TMEM127: variants seen among roughly 807,000 people sequenced by gnomAD.
The protein encoded by TMEM127 is transmembrane protein 127.
In TMEM127, 21 loss-of-function variants were observed where a neutral mutation model predicts 20.1. The observed-to-expected ratio is 1.04, with a 90% CI of 0.74 to 1.50. The LOEUF (loss-of-function observed/expected upper bound fraction) is 1.50, where lower values mean the gene tolerates loss of function less well. TMEM127 is among the 40% of genes most tolerant of loss of function. The pLI is 0.00. For missense variants in TMEM127, 303 were observed against 317.4 expected (o/e 0.95, Z 0.34); for synonymous variants, 150 against 144.7 (o/e 1.04, Z -0.26).
rs747965085 is a variant in TMEM127 at position 96,254,811 on chromosome 2, T to C, written c.409+22A>G. On this transcript the variant is annotated intron_variant, in intron 3 of 3. Transcript: ENST00000258439. ...CACCCTGTAGCAGTTCCTCTCCCAC[T>C]GTGAGCAGGCTCACGGCTTACCCGT... 6.8e-5 allele frequency: 109 copies of C among 1,613,586 alleles called. No homozygotes were observed. In the Middle Eastern group the frequency reaches 1.2e-3, roughly 17 times the overall value.
At chr2:96,264,590 C>T (rs978677478) in intron 2 of TMEM127, among the ~76,000 whole-genome samples, 1 of 152,196 alleles carries the variant, frequency 6.6e-6, no homozygotes, top group Non-Finnish European at 1.5e-5. Context: ...GCAACCTTGC[C>T]TCTGTCAGGC....
At chr2:96,262,603 T>G (rs1206498846) in intron 2 of TMEM127, among the ~76,000 whole-genome samples, 2 of 152,224 alleles carry the variant, frequency 1.3e-5, no homozygotes, top group Non-Finnish European at 2.9e-5. Flanking sequence ...ATACACAGGT[T>G]AAGGTCTCTA....
rs957096832 is a variant in TMEM127 at position 96,249,461 on chromosome 2, CA to C, written c.*4346del. ...CGTCTTCGTTTCAGGTGGGCTCATT[CA>C]AAACGACATTTTCAGGCTTGGTGCA... On this transcript the variant is annotated 3_prime_UTR_variant, in exon 4 of 4. Coordinates refer to ENST00000258439, the MANE Select transcript of TMEM127 (RefSeq NM_017849.4). The C allele has an allele frequency of 4.5e-6, 1 of 224,380 alleles. No homozygotes were observed. Among genetic ancestry groups the C allele is most frequent in the Admixed American group, 5.7e-5 (1 of 17,464 alleles). 13.9% of individuals were successfully genotyped at this position (224,380 alleles called of 1,614,324 possible). A position where few individuals can be genotyped will look rare whatever the true frequency, so the allele number is the denominator to read the frequency against.
Position 96,253,572 on chromosome 2 carries a change from A to AG in TMEM127, c.*235dup. On this transcript the variant is annotated 3_prime_UTR_variant, in exon 4 of 4. Coordinates refer to ENST00000258439, the MANE Select transcript of TMEM127 (RefSeq NM_017849.4). This position sits in a 1 kb window ranked among gnomAD's most constrained non-coding sequence, Gnocchi z 4.3. ...GGCTGGTAATGACTCGTGAATGTGA[A>AG]GGGGGCAGGATGTGGCAGGAGGGAA... 1.9e-6 allele frequency: 1 copy of AG among 539,844 alleles called. No homozygotes were observed. Among genetic ancestry groups the AG allele is most frequent in the Non-Finnish European group, 3.3e-6 (1 of 305,686 alleles). The allele number at this position is 539,844 out of a possible 1,614,324, so 33.4% of individuals were successfully genotyped here. A position where few individuals can be genotyped will look rare whatever the true frequency, so the allele number is the denominator to read the frequency against.
chr2:96,254,077 C>G lies in TMEM127; in HGVS notation c.448G>C (p.Ala150Pro), dbSNP rs1394209177. Reference sequence around the variant, plus strand: ...TGCTGGGCCAAGATGAGTTCAGAAGCCCAATAAGAAAAGCCAATGACGGTG... The same window carrying G: ...TGCTGGGCCAAGATGAGTTCAGAAGGCCAATAAGAAAAGCCAATGACGGTG... ...CATVIGFSYW[A>P]SELILAQQQQ... Residue 150 changes from alanine to proline, a missense_variant, in exon 4 of 4, where the codon GCT (alanine) becomes CCT (proline). Coordinates refer to ENST00000258439, the MANE Select transcript of TMEM127 (RefSeq NM_017849.4). 1 of 1,614,088 alleles carries G rather than the reference C, an allele frequency of 6.2e-7. No homozygotes were observed. Among genetic ancestry groups the G allele is most frequent in the Non-Finnish European group, 8.5e-7 (1 of 1,180,032 alleles).
At position 96,248,553 on chromosome 2, in the gene TMEM127, CA is replaced by C. The variant is rs1343759310; in HGVS notation, c.*5254del. The C allele has an allele frequency of 4.8e-6, 1 of 208,802 alleles. No homozygotes were observed. Among genetic ancestry groups the C allele is most frequent in the Non-Finnish European group, 9.7e-6 (1 of 102,712 alleles). The allele number at this position is 208,802 out of a possible 1,614,324, so 12.9% of individuals were successfully genotyped here. On this transcript the variant is annotated 3_prime_UTR_variant, in exon 4 of 4. Coordinates refer to ENST00000258439, the MANE Select transcript of TMEM127 (RefSeq NM_017849.4). ...TTCTTTTATTAAAATAAAACCCATC[CA>C]CCACCCCAAGGTTATTCCAGAAGGA...
intron 2 of TMEM127, chr2:96,260,637 G>A (rs1684295751): frequency 6.6e-6 from 1 of 152,274 alleles, no homozygotes; most frequent in Non-Finnish European, 1.5e-5. Flanking sequence ...GGCTAGATTT[G>A]TTTTGAAGGT....
rs886056429 is a variant in TMEM127, at chr2:96,250,460, C to G, written c.*3348G>C. ...TGCCTTTCTGTGGACAAGTCCATCT[C>G]CTGAACTAAGGACATAAAATCCTTG... On this transcript the variant is annotated 3_prime_UTR_variant, in exon 4 of 4. Coordinates refer to ENST00000258439, the MANE Select transcript of TMEM127 (RefSeq NM_017849.4). The G allele has an allele frequency of 6.0e-5, 14 of 232,852 alleles. No individual in the cohort carries two copies. Among genetic ancestry groups the G allele is most frequent in the Non-Finnish European group, 8.5e-6 (1 of 117,860 alleles). The allele number at this position is 232,852 out of a possible 1,614,324, so 14.4% of individuals were successfully genotyped here. A position where few individuals can be genotyped will look rare whatever the true frequency, so the allele number is the denominator to read the frequency against.
chr2:96,264,062 A>G (rs1270038611), intron 2 of TMEM127, among the ~76,000 whole-genome samples: 1 of 152,210 alleles, frequency 6.6e-6, no homozygotes, highest in African/African-American at 2.4e-5. Context: ...ATCACCCTAC[A>G]GCTTCTAAAA....
rs1409171619 is a variant in TMEM127 at position 96,248,842 on chromosome 2, G to A, written c.*4966C>T. The stretch of plus-strand genomic sequence containing the variant: ...ACGGACTCACAGCTGTCTCTGGAAA[G>A]TTCTTCGTTACCTGACTCTTTAGAC... On this transcript the variant is annotated 3_prime_UTR_variant, in exon 4 of 4. Coordinates refer to ENST00000258439, the MANE Select transcript of TMEM127 (RefSeq NM_017849.4). 3 of 232,306 alleles carry A rather than the reference G, an allele frequency of 1.3e-5. No homozygotes were observed. Among genetic ancestry groups the A allele is most frequent in the Non-Finnish European group, 2.6e-5 (3 of 117,546 alleles). 14.4% of individuals were successfully genotyped at this position (232,306 alleles called of 1,614,324 possible). A position where few individuals can be genotyped will look rare whatever the true frequency, so the allele number is the denominator to read the frequency against.
chr2:96,262,628 T>C (rs1684332949), intron 2 of TMEM127, among the ~76,000 whole-genome samples: 1 of 152,226 alleles, frequency 6.6e-6, no homozygotes, highest in Admixed American at 6.5e-5. Flanking sequence ...TGTGAGCAAA[T>C]GTAATGTAAA....
intron 2 of TMEM127, among the ~76,000 whole-genome samples, chr2:96,260,917 C>T (rs868359011): frequency 3.9e-5 from 6 of 152,220 alleles, no homozygotes; most frequent in Non-Finnish European, 8.8e-5. Flanking sequence ...GCCAGGTTAT[C>T]CCACAGACAC....
intron 2 of TMEM127, among the ~76,000 whole-genome samples, chr2:96,261,335 G>A (rs1286422465): frequency 6.6e-6 from 1 of 151,820 alleles, no homozygotes; most frequent in Admixed American, 6.6e-5. Context: ...GAGTGCAGAG[G>A]CACGACGATA....
intron 2 of TMEM127, among the ~76,000 whole-genome samples, chr2:96,257,912 C>CAA (rs11421832): frequency 1.2e-4 from 18 of 149,076 alleles, no homozygotes; most frequent in Admixed American, 8.0e-4. Flanking sequence ...GACTCCGCCT[C>CAA]AAAAAAAAAA....
Position 96,248,580 on chromosome 2 carries a change from A to C in TMEM127, c.*5228T>G, listed in dbSNP as rs1169859804. 1 of 215,866 alleles carries C rather than the reference A, an allele frequency of 4.6e-6. No homozygotes were observed. The highest frequency in any genetic ancestry group is 9.3e-6 in the Non-Finnish European group (1 of 107,164). The allele number at this position is 215,866 out of a possible 1,614,324, so 13.4% of individuals were successfully genotyped here. On this transcript the variant is annotated 3_prime_UTR_variant, in exon 4 of 4. Transcript: ENST00000258439. The stretch of plus-strand genomic sequence containing the variant: ...CCACCCCAAGGTTATTCCAGAAGGA[A>C]ACTCTCCACCAATAGTGGTGGCACT...
intron 2 of TMEM127, among the ~76,000 whole-genome samples, chr2:96,263,362 T>C (rs1418568182): frequency 2.1e-5 from 3 of 142,548 alleles, no homozygotes; most frequent in Admixed American, 1.4e-4. Context: ...TGGCCTTTCT[T>C]TTTTTTTTTT....
intron 2 of TMEM127, 31 bp downstream of exon 2, chr2:96,265,107 G>T: frequency 6.2e-7 from 1 of 1,611,230 alleles, no homozygotes; most frequent in South Asian, 1.1e-5. Flanking sequence ...CCCCCACCGA[G>T]GCTTTAAGGG....
At position 96,265,405 on chromosome 2, in the gene TMEM127, C is replaced by G. The variant is rs1242832889; in HGVS notation, c.-24G>C. ...ATGCCCGGGGCCGCCCGCCGTCGCT[C>G]CGCAGTCGCTGCTGGTCGCCGCCGA... On this transcript the variant is annotated 5_prime_UTR_variant, in exon 2 of 4. Coordinates refer to ENST00000258439, the MANE Select transcript of TMEM127 (RefSeq NM_017849.4). 1.8e-5 allele frequency: 24 copies of G among 1,357,278 alleles called. No individual in the cohort carries two copies. Among genetic ancestry groups the G allele is most frequent in the Non-Finnish European group, 2.1e-5 (22 of 1,060,842 alleles). 84.1% of individuals were successfully genotyped at this position (1,357,278 alleles called of 1,614,324 possible).
At position 96,252,828 on chromosome 2, in the gene TMEM127, C is replaced by T. The variant is rs77989183; in HGVS notation, c.*980G>A. On this transcript the variant is annotated 3_prime_UTR_variant, in exon 4 of 4. Transcript: ENST00000258439. The surrounding 1 kb of genome is among the most constrained non-coding windows in gnomAD (Gnocchi z 4.2). ...CAGTCCTCAGCCCCTCTGGGTTCCA[C>T]GAGAAGGCCCCAGGGAGTCACCGTC... is the stretch of plus-strand genomic sequence containing the variant. The T allele has an allele frequency of 4.7e-4, 111 of 233,862 alleles. No homozygotes were observed. The highest frequency in any genetic ancestry group is 2.0e-3 in the African/African-American group (89 of 45,442). 14.5% of individuals were successfully genotyped at this position (233,862 alleles called of 1,614,324 possible).
Sources: gnomAD v4.1 joint callset for allele counts (sites outside exome capture counted in the v4.1 genomes callset) on GRCh38, gnomAD v4.1.1 for gene constraint, Gnocchi (gnomAD v3.1) non-coding constraint, MANE v1.5 for transcripts, NCBI Gene and HGNC (gene_info 2026-07-23, HGNC 2026-07-21) for gene names.